The following OSBPL8 variants were observed in gnomAD, a reference collection of about 807,000 sequenced individuals.
OSBPL8 encodes the protein oxysterol binding protein like 8, also known as oxysterol-binding protein-related protein 8.
A neutral mutation model predicts 125.5 loss-of-function variants in OSBPL8; 59 were observed. The observed-to-expected ratio is 0.47, with a 90% CI of 0.38 to 0.58. The LOEUF is 0.58. Ranked by LOEUF, OSBPL8 falls within the 20% of genes least tolerant of loss-of-function variation. The pLI is 0.00. For synonymous variants in OSBPL8, 330 were observed against 338.9 expected (o/e 0.97, Z 0.29); for missense variants, 758 against 1,047.8 (o/e 0.72, Z 3.82).
intron 3 of OSBPL8, among the ~76,000 whole-genome samples, chr12:76,451,408 A>G (rs922464514): frequency 6.6e-6 from 1 of 152,196 alleles, no homozygotes; most frequent in African/African-American, 2.4e-5. Context: ...CAGAAAAACT[A>G]CAAATTACTA....
chr12:76,361,054 T>C (rs549094223), intron 21 of OSBPL8, among the ~76,000 whole-genome samples: 2 of 152,268 alleles, frequency 1.3e-5, no homozygotes, highest in South Asian at 4.1e-4. Flanking sequence ...CAGCTGAATT[T>C]CTCCTGAAAA....
chr12:76,499,852 C>CA (rs63165360), intron 1 of OSBPL8, among the ~76,000 whole-genome samples: 48 of 145,790 alleles, frequency 3.3e-4, no homozygotes, highest in Middle Eastern at 3.5e-3. Flanking sequence ...GACTCCATCT[C>CA]AAAAAAAAAA....
At chr12:76,390,338 C>G in intron 11 of OSBPL8, 82 bp downstream of exon 11, 1 of 1,040,656 alleles carries the variant, frequency 9.6e-7, no homozygotes, top group Non-Finnish European at 1.4e-6. Flanking sequence ...GGCAATAGAT[C>G]AAGCAAATAA....
intron 1 of OSBPL8, among the ~76,000 whole-genome samples, chr12:76,557,379 G>A (rs1951138071): frequency 6.6e-6 from 1 of 152,128 alleles, no homozygotes; most frequent in Non-Finnish European, 1.5e-5. Flanking sequence ...CACTTTGGGA[G>A]GCTGAGGCGG....
At chr12:76,541,438 A>G (rs967582136) in intron 1 of OSBPL8, among the ~76,000 whole-genome samples, 3 of 152,150 alleles carry the variant, frequency 2.0e-5, no homozygotes, top group African/African-American at 7.2e-5. Context: ...ACATTGTGCC[A>G]CTGCACTCCA....
intron 12 of OSBPL8, among the ~76,000 whole-genome samples, chr12:76,388,005 G>T (rs1290962541): frequency 2.0e-5 from 3 of 152,070 alleles, no homozygotes; most frequent in African/African-American, 7.2e-5. Flanking sequence ...TAAATAAACA[G>T]TCTTGCTTTT....
At chr12:76,408,991 CTT>C (rs140050109) in intron 5 of OSBPL8, among the ~76,000 whole-genome samples, 1 of 151,642 alleles carries the variant, frequency 6.6e-6, no homozygotes, top group African/African-American at 2.4e-5. Context: ...GAAAATAGAT[CTT>C]TTTTTTAAAA....
chr12:76,528,813 C>T (rs1322629877), intron 1 of OSBPL8, among the ~76,000 whole-genome samples: 2 of 151,990 alleles, frequency 1.3e-5, no homozygotes, highest in Non-Finnish European at 2.9e-5. Context: ...ATAATGGCGC[C>T]ACTACACTGC....
chr12:76,352,637 T>A lies in OSBPL8; in HGVS notation c.*3252A>T, dbSNP rs1390663432. 6.6e-6 allele frequency: 1 copy of A among 152,562 alleles called. No individual in the cohort carries two copies. Among genetic ancestry groups the A allele is most frequent in the Non-Finnish European group, 1.5e-5 (1 of 67,956 alleles). 9.5% of individuals were successfully genotyped at this position (152,562 alleles called of 1,614,324 possible). On this transcript the variant is annotated 3_prime_UTR_variant, in exon 24 of 24. Transcript: ENST00000261183. ...ATATTTTATTTCTGTACATTTAATA[T>A]GATTCAATATAATCTGCAGTCTCAT... is the stretch of plus-strand genomic sequence containing the variant.
intron 8 of OSBPL8, among the ~76,000 whole-genome samples, chr12:76,396,288 T>C (rs1218896959): frequency 6.6e-6 from 1 of 152,142 alleles, no homozygotes; most frequent in Admixed American, 6.6e-5. Context: ...AGTCTTTTCC[T>C]AGGTGTATGT....
intron 1 of OSBPL8, among the ~76,000 whole-genome samples, chr12:76,530,588 G>T (rs1363828021): frequency 2.6e-5 from 4 of 151,904 alleles, no homozygotes; most frequent in South Asian, 4.2e-4. Context: ...ACACACATTT[G>T]TTTATATCCC....
intron 4 of OSBPL8, among the ~76,000 whole-genome samples, chr12:76,437,212 A>G (rs1403714053): frequency 1.3e-5 from 2 of 152,210 alleles, no homozygotes; most frequent in African/African-American, 4.8e-5. Flanking sequence ...ACATAATGTC[A>G]AACTATTTTT....
At chr12:76,552,604 T>G (rs1218795293) in intron 1 of OSBPL8, among the ~76,000 whole-genome samples, 1 of 152,102 alleles carries the variant, frequency 6.6e-6, no homozygotes, top group East Asian at 1.9e-4. Context: ...TTCTATTTCC[T>G]TCACTAGTCA....
chr12:76,411,722 T>C (rs915655627), intron 4 of OSBPL8, among the ~76,000 whole-genome samples: 1 of 151,920 alleles, frequency 6.6e-6, no homozygotes, highest in African/African-American at 2.4e-5. Context: ...GTAAAAAAAA[T>C]GAAACTTTCA....
At chr12:76,539,068 G>A (rs1950571605) in intron 1 of OSBPL8, among the ~76,000 whole-genome samples, 1 of 123,894 alleles carries the variant, frequency 8.1e-6, no homozygotes, top group African/African-American at 2.8e-5. Flanking sequence ...GGAGGGGGAG[G>A]GTAAGTATCC....
At chr12:76,492,641 C>T (rs547930377) in intron 1 of OSBPL8, among the ~76,000 whole-genome samples, 1 of 152,176 alleles carries the variant, frequency 6.6e-6, no homozygotes, top group Non-Finnish European at 1.5e-5. Context: ...GTGAACTGTG[C>T]ACACGAAGAA....
intron 1 of OSBPL8, among the ~76,000 whole-genome samples, chr12:76,552,412 C>A (rs927289757): frequency 8.7e-6 from 1 of 115,314 alleles, no homozygotes; most frequent in African/African-American, 3.5e-5. Context: ...AGCAACAGAG[C>A]GATACCCCAT....
chr12:76,451,032 T>C, intron 3 of OSBPL8, 44 bp from the exon 4 acceptor site: 1 of 1,587,916 alleles, frequency 6.3e-7, no homozygotes, highest in Non-Finnish European at 8.6e-7. Context: ...AAGTCACAGA[T>C]TTACATAATA....
intron 2 of OSBPL8, among the ~76,000 whole-genome samples, chr12:76,463,170 C>T (rs995988028): frequency 7.9e-5 from 12 of 152,204 alleles, no homozygotes; most frequent in South Asian, 4.2e-4. Context: ...GAGGGGGAAT[C>T]GTGGACCAAA....
Sources: gnomAD v4.1 joint callset for allele counts (sites outside exome capture counted in the v4.1 genomes callset) on GRCh38, gnomAD v4.1.1 for gene constraint, MANE v1.5 for transcripts, NCBI Gene and HGNC (gene_info 2026-07-23, HGNC 2026-07-21) for gene names.